KIRREL3: variants seen among roughly 807,000 people sequenced by gnomAD.
The protein encoded by KIRREL3 is kirre like nephrin family adhesion molecule 3.
A neutral mutation model predicts 89.7 loss-of-function variants in KIRREL3; 36 were observed. The ratio of observed to expected loss-of-function variants is 0.40; its 90% CI spans 0.31 to 0.53. The LOEUF (loss-of-function observed/expected upper bound fraction) is 0.53. Ranked by LOEUF, KIRREL3 falls within the 20% of genes least tolerant of loss-of-function variation. The pLI is 0.49. For missense variants in KIRREL3, 864 were observed against 1,056.6 expected (o/e 0.82, Z 2.53); for synonymous variants, 445 against 441.4 (o/e 1.01, Z -0.10).
rs185997104 is a variant in KIRREL3, at chr11:126,488,983, T to G, written c.434-15517A>C. Among the ~76,000 whole-genome samples the G allele has an allele frequency of 2.0e-5, 3 of 152,164 alleles. No individual in the cohort carries two copies. In the East Asian group the frequency reaches 5.8e-4, roughly 29 times the overall value. On this transcript the variant is annotated intron_variant, in intron 4 of 16. Coordinates refer to ENST00000525144, the MANE Select transcript of KIRREL3 (RefSeq NM_032531.4). Reference sequence around the variant, plus strand: ...GATCTGTGGCTCTCTCCTCCGAGACTGCGCTTCCTTTCCTTTCCTGACTTG... The same window carrying G: ...GATCTGTGGCTCTCTCCTCCGAGACGGCGCTTCCTTTCCTTTCCTGACTTG...
chr11:126,632,759 C>T (rs1383544103), intron 1 of KIRREL3, among the ~76,000 whole-genome samples: 1 of 8,726 alleles, frequency 1.1e-4, no homozygotes, highest in African/African-American at 4.4e-4. Context: ...CAATTTTTAT[C>T]TCCCAATGCC....
intron 1 of KIRREL3, among the ~76,000 whole-genome samples, chr11:126,803,990 G>A (rs1951123048): frequency 6.6e-6 from 1 of 152,150 alleles, no homozygotes; most frequent in Non-Finnish European, 1.5e-5. Context: ...GAAGACAAGT[G>A]GCCTTTGTGG....
intron 6 of KIRREL3, among the ~76,000 whole-genome samples, chr11:126,461,003 G>T (rs1487097671): frequency 6.6e-6 from 1 of 152,202 alleles, no homozygotes; most frequent in African/African-American, 2.4e-5. Context: ...TAGGAAGCTT[G>T]GATGCTCTGT....
At position 126,896,585 on chromosome 11, in the gene KIRREL3, G is replaced by A. The variant is rs1422159102; in HGVS notation, c.55+103870C>T. On this transcript the variant is annotated intron_variant, in intron 1 of 16. Transcript: ENST00000525144. The surrounding 1 kb of genome is among the most constrained non-coding windows in gnomAD (Gnocchi z 4.1). ...GATGATGCAAATATCCTAGAAAGCT[G>A]TGTAGAGAACGTGGGGCCTGTCCAT... Among the ~76,000 whole-genome samples, 1 of 152,200 alleles carries A rather than the reference G, an allele frequency of 6.6e-6. No individual in the cohort carries two copies. Among genetic ancestry groups the A allele is most frequent in the African/African-American group, 2.4e-5 (1 of 41,448 alleles).
chr11:126,566,492 G>A lies in KIRREL3; in HGVS notation c.56-3580C>T, dbSNP rs1388623563. Among the ~76,000 whole-genome samples the A allele has an allele frequency of 1.3e-5, 2 of 152,198 alleles. No individual in the cohort carries two copies. Among genetic ancestry groups the A allele is most frequent in the Non-Finnish European group, 2.9e-5 (2 of 68,050 alleles). On this transcript the variant is annotated intron_variant, in intron 1 of 16. Transcript: ENST00000525144. The surrounding 1 kb of genome is among the most constrained non-coding windows in gnomAD (Gnocchi z 4.9). ...AGGGCTGGCTACAAAATATGGGACT[G>A]TGAAGGGTTCCTTCTGACTCGGGTC... is the stretch of plus-strand genomic sequence containing the variant.
At chr11:126,793,191 C>T (rs1592136567) in intron 1 of KIRREL3, among the ~76,000 whole-genome samples, 1 of 143,366 alleles carries the variant, frequency 7.0e-6, no homozygotes, top group East Asian at 2.1e-4. Flanking sequence ...AGTGAGACAA[C>T]AGGCCAGGGC....
Position 126,606,087 on chromosome 11 carries a change from T to C in KIRREL3, c.56-43175A>G, listed in dbSNP as rs1353162417. ...TCAATCTCCCTGAGCCTCCATTTCT[T>C]CAGTAAAATGGAGCTAATAATCATA... On this transcript the variant is annotated intron_variant, in intron 1 of 16. Transcript: ENST00000525144. This position sits in a 1 kb window ranked among gnomAD's most constrained non-coding sequence, Gnocchi z 4.6. Among the ~76,000 whole-genome samples the C allele has an allele frequency of 3.3e-5, 5 of 152,194 alleles. No homozygotes were observed. In the East Asian group the frequency reaches 9.6e-4, roughly 29 times the overall value.
chr11:126,518,162 C>A (rs1272957646), intron 4 of KIRREL3, among the ~76,000 whole-genome samples: 2 of 152,218 alleles, frequency 1.3e-5, no homozygotes, highest in Non-Finnish European at 2.9e-5. Flanking sequence ...TCCGAAGTTG[C>A]TCCTTGCCTG....
rs779285428 is a variant in KIRREL3 at position 126,954,006 on chromosome 11, G to A, written c.55+46449C>T. On this transcript the variant is annotated intron_variant, in intron 1 of 16. Coordinates refer to ENST00000525144, the MANE Select transcript of KIRREL3 (RefSeq NM_032531.4). The surrounding 1 kb of genome is among the most constrained non-coding windows in gnomAD (Gnocchi z 4.1). ...AGATGCACATCTGTCAGAGGTGTGAGCCTGTGTGTGTGTGCACAGGGGTGT... is the reference window on the plus strand; with the variant it reads ...AGATGCACATCTGTCAGAGGTGTGAACCTGTGTGTGTGTGCACAGGGGTGT... Among the ~76,000 whole-genome samples the A allele has an allele frequency of 2.6e-5, 4 of 152,172 alleles. No individual in the cohort carries two copies. The highest frequency in any genetic ancestry group is 6.5e-5 in the Admixed American group (1 of 15,280).
rs1945838301 is a variant in KIRREL3, at chr11:126,669,490, C to A, written c.56-106578G>T. 6.6e-6 allele frequency among the ~76,000 whole-genome samples: 1 copy of A among 152,204 alleles called. No individual in the cohort carries two copies. Among genetic ancestry groups the A allele is most frequent in the Admixed American group, 6.5e-5 (1 of 15,276 alleles). On this transcript the variant is annotated intron_variant, in intron 1 of 16. Coordinates refer to ENST00000525144, the MANE Select transcript of KIRREL3 (RefSeq NM_032531.4). This position sits in a 1 kb window ranked among gnomAD's most constrained non-coding sequence, Gnocchi z 5.0. ...CTTGTAATATCTATGTATTTAAGGGCTTAATCATGGGCGGTTAGATTTTTA... is the reference window on the plus strand; with the variant it reads ...CTTGTAATATCTATGTATTTAAGGGATTAATCATGGGCGGTTAGATTTTTA...
In KIRREL3 at chr11:126,987,783, G is replaced by A. The variant is rs560812607; in HGVS notation, c.55+12672C>T. On this transcript the variant is annotated intron_variant, in intron 1 of 16. Transcript: ENST00000525144. The surrounding 1 kb of genome is among the most constrained non-coding windows in gnomAD (Gnocchi z 4.6). ...TTCGATCTAAAGGAGCTTTGAAAAC[G>A]TCAAAGAACTTTCATGTTTTGCTAG... 6.6e-5 allele frequency among the ~76,000 whole-genome samples: 10 copies of A among 152,276 alleles called. No individual in the cohort carries two copies. The highest frequency in any genetic ancestry group is 1.3e-4 in the Non-Finnish European group (9 of 68,028).
rs184570055 is a variant in KIRREL3, at chr11:126,905,783, G to A, written c.55+94672C>T. Reference sequence around the variant, plus strand: ...GAGCCCTATCTGCCGCTGCCAGTTCGGGCGGATGCCTAACGAGCACACTGG... The same window carrying A: ...GAGCCCTATCTGCCGCTGCCAGTTCAGGCGGATGCCTAACGAGCACACTGG... On this transcript the variant is annotated intron_variant, in intron 1 of 16. Coordinates refer to ENST00000525144, the MANE Select transcript of KIRREL3 (RefSeq NM_032531.4). The surrounding 1 kb of genome is among the most constrained non-coding windows in gnomAD (Gnocchi z 5.0). Among the ~76,000 whole-genome samples the A allele has an allele frequency of 1.7e-3, 265 of 152,246 alleles. 1 individual carries two copies. The highest frequency in any genetic ancestry group is 1.3e-3 in the Non-Finnish European group (90 of 68,018).
rs911036302 is a variant in KIRREL3, at chr11:126,872,325, G to A, written c.55+128130C>T. On this transcript the variant is annotated intron_variant, in intron 1 of 16. Transcript: ENST00000525144. This position sits in a 1 kb window ranked among gnomAD's most constrained non-coding sequence, Gnocchi z 4.2. Reference sequence around the variant, plus strand: ...GATCTAAGTAACCACCTCTTAATTTGCATGTAAATAAAGGGGGTATAAACA... The same window carrying A: ...GATCTAAGTAACCACCTCTTAATTTACATGTAAATAAAGGGGGTATAAACA... Among the ~76,000 whole-genome samples, 9 of 152,148 alleles carry A rather than the reference G, an allele frequency of 5.9e-5. No homozygotes were observed. The highest frequency in any genetic ancestry group is 1.2e-4 in the Non-Finnish European group (8 of 68,020).
At chr11:126,483,654 G>C (rs1478629027) in intron 4 of KIRREL3, among the ~76,000 whole-genome samples, 1 of 152,218 alleles carries the variant, frequency 6.6e-6, no homozygotes, top group East Asian at 1.9e-4. Context: ...TCCTCATCAT[G>C]GGGGCCTTCC....
chr11:126,792,595 A>G (rs1950680120), intron 1 of KIRREL3, among the ~76,000 whole-genome samples: 1 of 152,212 alleles, frequency 6.6e-6, no homozygotes, highest in South Asian at 2.1e-4. Flanking sequence ...AAGGCAGCTC[A>G]CAGCAGCATT....
At chr11:126,638,258 G>C (rs1944340122) in intron 1 of KIRREL3, among the ~76,000 whole-genome samples, 1 of 152,220 alleles carries the variant, frequency 6.6e-6, no homozygotes, top group African/African-American at 2.4e-5. Flanking sequence ...ATGCCAGAGA[G>C]ATAGGAATAG....
At chr11:126,848,655 TA>T (rs1944232997) in intron 1 of KIRREL3, among the ~76,000 whole-genome samples, 2 of 152,248 alleles carry the variant, frequency 1.3e-5, no homozygotes, top group Non-Finnish European at 1.5e-5. Flanking sequence ...TTACATGGGA[TA>T]ATTTTGCTTA....
rs1948808120 is a variant in KIRREL3, at chr11:126,736,583, A to G, written c.56-173671T>C. Among the ~76,000 whole-genome samples, 1 of 152,154 alleles carries G rather than the reference A, an allele frequency of 6.6e-6. No individual in the cohort carries two copies. The highest frequency in any genetic ancestry group is 1.5e-5 in the Non-Finnish European group (1 of 68,034). On this transcript the variant is annotated intron_variant, in intron 1 of 16. Coordinates refer to ENST00000525144, the MANE Select transcript of KIRREL3 (RefSeq NM_032531.4). The surrounding 1 kb of genome is among the most constrained non-coding windows in gnomAD (Gnocchi z 5.0). ...GAAGATATTTTCGGTTGTTACAACT[A>G]AGTGGGGGAGTAGGGGTACCTGCTC... is the stretch of plus-strand genomic sequence containing the variant.
chr11:126,754,371 T>C lies in KIRREL3; in HGVS notation c.56-191459A>G, dbSNP rs1420271629. Among the ~76,000 whole-genome samples the C allele has an allele frequency of 6.6e-6, 1 of 152,236 alleles. No individual in the cohort carries two copies. The highest frequency in any genetic ancestry group is 1.5e-5 in the Non-Finnish European group (1 of 68,044). The stretch of plus-strand genomic sequence containing the variant: ...CAGCATTCCTCAGAACGTACCTCTC[T>C]AACTTTACACTCTCTATATGTCTGT... On this transcript the variant is annotated intron_variant, in intron 1 of 16. Coordinates refer to ENST00000525144, the MANE Select transcript of KIRREL3 (RefSeq NM_032531.4). This position sits in a 1 kb window ranked among gnomAD's most constrained non-coding sequence, Gnocchi z 5.1.
Sources: allele counts gnomAD v4.1 joint callset (sites outside exome capture counted in the v4.1 genomes callset), GRCh38; gene constraint gnomAD v4.1.1; non-coding constraint Gnocchi (gnomAD v3.1); transcripts MANE v1.5; gene names NCBI Gene and HGNC (gene_info 2026-07-23, HGNC 2026-07-21).